Variants in FLT3 observed in about 807,000 individuals in gnomAD.
FLT3 encodes fms related receptor tyrosine kinase 3.
FLT3 carries 46 observed loss-of-function variants against 126.6 expected under a neutral mutation model. The ratio of observed to expected loss-of-function variants is 0.36; its 90% confidence interval spans 0.29 to 0.46. The LOEUF is 0.46. FLT3 is among the 20% of genes least tolerant of loss of function. FLT3 has a pLI of 1.00. For missense variants in FLT3, 1,069 were observed against 1,190.3 expected (o/e 0.90, Z 1.50); for synonymous variants, 404 against 434.4 (o/e 0.93, Z 0.87).
chr13:28,020,030 G>A (rs1872242738), intron 19 of FLT3, among the ~76,000 whole-genome samples: 1 of 152,158 alleles, frequency 6.6e-6, no homozygotes, highest in Non-Finnish European at 1.5e-5. Context: ...GTGTCCAAGT[G>A]TCTGCTAGAC....
intron 3 of FLT3, among the ~76,000 whole-genome samples, chr13:28,059,243 T>G (rs1876317120): frequency 2.0e-5 from 3 of 152,178 alleles, no homozygotes; most frequent in Admixed American, 2.0e-4. Context: ...AGGGGCCCGA[T>G]ACCCCTTGCA....
intron 3 of FLT3, among the ~76,000 whole-genome samples, chr13:28,058,206 T>TCAAA (rs1566088666): frequency 5.6e-3 from 49 of 8,782 alleles, no homozygotes; most frequent in South Asian, 0.053. Context: ...TTTTTAAAAA[T>TCAAA]TAAAAAAAAA....
At chr13:28,088,050 A>G (rs1878796581) in intron 1 of FLT3, among the ~76,000 whole-genome samples, 1 of 152,162 alleles carries the variant, frequency 6.6e-6, no homozygotes, top group East Asian at 1.9e-4. Context: ...TTTGTCTAGT[A>G]AATTTATAAC....
rs145316561 is a variant in FLT3, at chr13:28,090,640, T to C, written c.43+9828A>G. Among the ~76,000 whole-genome samples, 912 of 152,082 alleles carry C rather than the reference T, an allele frequency of 6.0e-3. 6 individuals carry two copies. The highest frequency in any genetic ancestry group is 9.2e-3 in the Non-Finnish European group (628 of 67,976). On this transcript the variant is annotated intron_variant, in intron 1 of 23. Coordinates refer to ENST00000241453, the MANE Select transcript of FLT3 (RefSeq NM_004119.3). Reference sequence around the variant, plus strand: ...CAAAAATACAAAAACTACCCTAGTGTGGTGGTGCACACCTGTGGTCTCAAC... The same window carrying C: ...CAAAAATACAAAAACTACCCTAGTGCGGTGGTGCACACCTGTGGTCTCAAC...
chr13:28,059,853 G>A (rs1481884584), intron 3 of FLT3, among the ~76,000 whole-genome samples: 13 of 151,888 alleles, frequency 8.6e-5, no homozygotes, highest in Admixed American at 2.6e-4. Flanking sequence ...CCAGCTACTC[G>A]GGAGGCTGAG....
intron 3 of FLT3, 30 bp from the exon 4 acceptor site, chr13:28,057,492 T>C: frequency 9.5e-7 from 1 of 1,050,180 alleles, no homozygotes; most frequent in South Asian, 1.3e-5. Context: ...ACTAGTTATT[T>C]TGGAAAATGT....
intron 4 of FLT3, among the ~76,000 whole-genome samples, chr13:28,054,216 C>G (rs1207073982): frequency 6.6e-6 from 1 of 152,104 alleles, no homozygotes; most frequent in Non-Finnish European, 1.5e-5. Flanking sequence ...GATATGAGAG[C>G]ACCTATTGCT....
Position 28,035,643 on chromosome 13 carries a change from C to G in FLT3, c.1449G>C (p.Trp483Cys), listed in dbSNP as rs1432817949. The change falls in exon 12 of 24, where the codon TGG becomes TGC. Residue 483 changes from tryptophan to cysteine, a missense_variant. Trp to Cys is a radical substitution (Grantham distance 215). Transcript: ENST00000241453. ...ACACTTTTCTGTTAGCCTTTCTATT[C>G]CAGACTCCTTCTGTGATCTCTTCTG... ...NCTEEITEGV[W>C]NRKANRKVFG... The G allele has an allele frequency of 1.2e-6, 2 of 1,613,882 alleles. No individual in the cohort carries two copies. Among genetic ancestry groups the G allele is most frequent in the Admixed American group, 1.7e-5 (1 of 59,996 alleles).
intron 3 of FLT3, among the ~76,000 whole-genome samples, chr13:28,061,640 C>T (rs548237822): frequency 1.3e-5 from 2 of 151,676 alleles, no homozygotes; most frequent in African/African-American, 4.8e-5. Context: ...TGTGGTGGCA[C>T]GCGCCTGTAG....
intron 1 of FLT3, among the ~76,000 whole-genome samples, chr13:28,077,589 T>C (rs2137803285): frequency 2.0e-5 from 3 of 152,274 alleles, no homozygotes; most frequent in Non-Finnish European, 4.4e-5. Context: ...ACAATTCAAG[T>C]TGAGATTTGG....
At position 28,100,395 on chromosome 13, in the gene FLT3, G is replaced by A. The variant is rs1879748055; in HGVS notation, c.43+73C>T. 9.3e-7 allele frequency: 1 copy of A among 1,076,842 alleles called. No individual in the cohort carries two copies. The highest frequency in any genetic ancestry group is 1.6e-5 in the African/African-American group (1 of 60,880). The allele number at this position is 1,076,842 out of a possible 1,614,324, so 66.7% of individuals were successfully genotyped here. ...GAGGCGGCTGGGCCGGAGGAGGCGC[G>A]CGCCCGGGTCCACACTGCGGGGTGG... On this transcript the variant is annotated intron_variant, in intron 1 of 23. Coordinates refer to ENST00000241453, the MANE Select transcript of FLT3 (RefSeq NM_004119.3). This position sits in a 1 kb window ranked among gnomAD's most constrained non-coding sequence, Gnocchi z 4.8.
intron 1 of FLT3, among the ~76,000 whole-genome samples, chr13:28,074,978 T>G (rs7326955): frequency 0.042 from 6,323 of 152,104 alleles, 436 homozygotes; most frequent in African/African-American, 0.14. Flanking sequence ...CTAATGAACA[T>G]TGAACATCCA....
chr13:28,035,119 C>T (rs556441077), intron 12 of FLT3, among the ~76,000 whole-genome samples: 2 of 152,164 alleles, frequency 1.3e-5, no homozygotes, highest in South Asian at 2.1e-4. Flanking sequence ...CTTAGGAGGG[C>T]TCTAAAAAGC....
intron 16 of FLT3, 118 bp downstream of exon 16, chr13:28,028,060 C>A: frequency 1.5e-6 from 1 of 652,736 alleles, no homozygotes; most frequent in Non-Finnish European, 2.8e-6. Flanking sequence ...AGAGTTCACA[C>A]TGTGACTGAG....
intron 2 of FLT3, among the ~76,000 whole-genome samples, chr13:28,069,744 T>G (rs9513020): frequency 0.69 from 104,743 of 152,088 alleles, 38,514 homozygotes; most frequent in East Asian, 0.82. Context: ...ATAATAACTA[T>G]TCACATAGTT....
At position 28,082,455 on chromosome 13, in the gene FLT3, G is replaced by A. The variant is rs947083086; in HGVS notation, c.44-11843C>T. Among the ~76,000 whole-genome samples the A allele has an allele frequency of 4.6e-5, 7 of 152,096 alleles. No individual in the cohort carries two copies. In the East Asian group the frequency reaches 1.4e-3, roughly 29 times the overall value. On this transcript the variant is annotated intron_variant, in intron 1 of 23. Transcript: ENST00000241453. Reference sequence around the variant, plus strand: ...TGGGATTACAGGCATGAGCCACTGTGCCTAGTCTTTTATTTTTTGTTTTTT... The same window carrying A: ...TGGGATTACAGGCATGAGCCACTGTACCTAGTCTTTTATTTTTTGTTTTTT...
intron 9 of FLT3, among the ~76,000 whole-genome samples, chr13:28,047,361 A>G (rs1874974978): frequency 6.6e-6 from 1 of 152,204 alleles, no homozygotes; most frequent in Non-Finnish European, 1.5e-5. Flanking sequence ...TATAGAAGAT[A>G]TAGGGGAAAG....
chr13:28,006,820 C>T lies in FLT3; in HGVS notation c.2860-2646G>A, dbSNP rs148901168. On this transcript the variant is annotated intron_variant, in intron 23 of 23. Transcript: ENST00000241453. ...GGAGTGTTGTGGCATGATCTCAGCT[C>T]ACAGCAACCTCTGCCTCTCAGGTTC... is the stretch of plus-strand genomic sequence containing the variant. 5.3e-4 allele frequency among the ~76,000 whole-genome samples: 80 copies of T among 150,482 alleles called. 1 individual carries two copies. Among genetic ancestry groups the T allele is most frequent in the African/African-American group, 1.9e-3 (76 of 40,922 alleles).
At position 28,004,180 on chromosome 13, in the gene FLT3, T is replaced by C. The variant is rs779912505; in HGVS notation, c.2860-6A>G. On this transcript the variant is annotated splice_polypyrimidine_tract_variant and splice_region_variant and intron_variant, in intron 23 of 23. Coordinates refer to ENST00000241453, the MANE Select transcript of FLT3 (RefSeq NM_004119.3). The stretch of plus-strand genomic sequence containing the variant: ...CCATCCACATTCTGATACATCTGAA[T>C]GTGGGAAAGAGACAGAACACTGATT... The C allele has an allele frequency of 1.2e-5, 19 of 1,614,040 alleles. No homozygotes were observed. Among genetic ancestry groups the C allele is most frequent in the Non-Finnish European group, 1.6e-5 (19 of 1,179,962 alleles).
Sources: gnomAD v4.1 joint callset for allele counts (sites outside exome capture counted in the v4.1 genomes callset) on GRCh38, gnomAD v4.1.1 for gene constraint, Gnocchi (gnomAD v3.1) non-coding constraint, MANE v1.5 for transcripts, NCBI Gene and HGNC (gene_info 2026-07-23, HGNC 2026-07-21) for gene names.